Variants in INTS7 observed in about 807,000 individuals in gnomAD.
The protein encoded by INTS7 is integrator complex subunit 7.
A neutral mutation model predicts 109.2 loss-of-function variants in INTS7; 46 were observed. The ratio of observed to expected loss-of-function variants is 0.42; its 90% confidence interval spans 0.33 to 0.54. The LOEUF (loss-of-function observed/expected upper bound fraction) is 0.54, where lower values mean the gene tolerates loss of function less well. Ranked by LOEUF, INTS7 falls within the 20% of genes least tolerant of loss-of-function variation. The probability of loss-of-function intolerance (pLI) is 0.07; values close to 1 mark genes in which losing one functional copy is unlikely to be tolerated. For synonymous variants in INTS7, 412 were observed against 402.9 expected, an observed-to-expected ratio of 1.02 and a Z score of -0.27; for missense variants, 929 against 1,132.4, an observed-to-expected ratio of 0.82 and a Z score of 2.58.
At chr1:211,971,355 T>G (rs1459959506) in intron 13 of INTS7, among the ~76,000 whole-genome samples, 1 of 152,236 alleles carries the variant, frequency 6.6e-6, no homozygotes, top group South Asian at 2.1e-4. Flanking sequence ...CAGAGCAGTA[T>G]GTTGGTAACA....
At chr1:211,977,003 G>A (rs559768266) in intron 11 of INTS7, among the ~76,000 whole-genome samples, 9 of 152,094 alleles carry the variant, frequency 5.9e-5, no homozygotes, top group South Asian at 2.1e-4. Flanking sequence ...ATAAACTAGC[G>A]ACAGACTTAC....
intron 5 of INTS7, among the ~76,000 whole-genome samples, chr1:212,010,449 G>A (rs193146810): frequency 6.6e-6 from 1 of 152,238 alleles, no homozygotes; most frequent in Admixed American, 6.5e-5. Flanking sequence ...GATTCTAAAT[G>A]CAACTGGAAG....
rs992878023 is a variant in INTS7 at position 211,942,326 on chromosome 1, A to G, written c.2602-215T>C. Among the ~76,000 whole-genome samples the G allele has an allele frequency of 6.6e-6, 1 of 152,166 alleles. No homozygotes were observed. The highest frequency in any genetic ancestry group is 2.1e-4 in the South Asian group (1 of 4,826). ...ATTAGTGAACGGAGTAGGAATCTGAACACAGGCAGACTACCTCCAGGGCCT... is the reference window on the plus strand; with the variant it reads ...ATTAGTGAACGGAGTAGGAATCTGAGCACAGGCAGACTACCTCCAGGGCCT... On this transcript the variant is annotated intron_variant, in intron 19 of 19. Coordinates refer to ENST00000366994, the MANE Select transcript of INTS7 (RefSeq NM_015434.4). This position sits in a 1 kb window ranked among gnomAD's most constrained non-coding sequence, Gnocchi z 4.2.
chr1:211,951,352 G>A (rs866961539), intron 17 of INTS7, among the ~76,000 whole-genome samples: 9 of 151,900 alleles, frequency 5.9e-5, no homozygotes, highest in Non-Finnish European at 8.8e-5. Flanking sequence ...TCTGTTGCCC[G>A]GGCTGGAGTG....
rs1663495207 is a variant in INTS7 at position 211,959,101 on chromosome 1, A to G, written c.2184-6400T>C. 6.6e-6 allele frequency among the ~76,000 whole-genome samples: 1 copy of G among 152,186 alleles called. No homozygotes were observed. The highest frequency in any genetic ancestry group is 1.5e-5 in the Non-Finnish European group (1 of 68,020). On this transcript the variant is annotated intron_variant, in intron 16 of 19. Coordinates refer to ENST00000366994, the MANE Select transcript of INTS7 (RefSeq NM_015434.4). This position sits in a 1 kb window ranked among gnomAD's most constrained non-coding sequence, Gnocchi z 4.2. ...AGGAGATTCCTCGACCACTATGGAC[A>G]CTTGAGTTGGCACAGAGGGCTGCTT...
rs1316890106 is a variant in INTS7, at chr1:211,940,747, T to C, written c.*1077A>G. 1.3e-5 allele frequency: 2 copies of C among 152,136 alleles called. No homozygotes were observed. The highest frequency in any genetic ancestry group is 4.8e-5 in the African/African-American group (2 of 41,420). The allele number at this position is 152,136 out of a possible 1,614,324, so 9.4% of individuals were successfully genotyped here. ...GAGACTGCTCTCTCTAAACAATCAG[T>C]CTAGCATAACTCATCAAGTATAAAC... is the stretch of plus-strand genomic sequence containing the variant. On this transcript the variant is annotated 3_prime_UTR_variant, in exon 20 of 20. Coordinates refer to ENST00000366994, the MANE Select transcript of INTS7 (RefSeq NM_015434.4).
At chr1:211,970,013 T>C (rs1664101344) in intron 13 of INTS7, among the ~76,000 whole-genome samples, 1 of 152,130 alleles carries the variant, frequency 6.6e-6, no homozygotes, top group African/African-American at 2.4e-5. Flanking sequence ...CCACCGCGCC[T>C]GGCTGTGCCC....
chr1:212,029,435 A>T (rs1043408522), intron 1 of INTS7, among the ~76,000 whole-genome samples: 1 of 152,172 alleles, frequency 6.6e-6, no homozygotes, highest in Non-Finnish European at 1.5e-5. Flanking sequence ...CTGTGAGTGG[A>T]CACTTCAACT....
rs112412768 is a variant in INTS7, at chr1:211,967,074, G to A, written c.2115-576C>T. ...AATGCCAAGAACTACTGATTGGAAAGTCCTACAACTTAAAAAAAGAATTTC... is the reference window on the plus strand; with the variant it reads ...AATGCCAAGAACTACTGATTGGAAAATCCTACAACTTAAAAAAAGAATTTC... On this transcript the variant is annotated intron_variant, in intron 15 of 19. Transcript: ENST00000366994. 1.1e-4 allele frequency among the ~76,000 whole-genome samples: 16 copies of A among 152,260 alleles called. 1 individual carries two copies. The highest frequency in any genetic ancestry group is 3.9e-4 in the African/African-American group (16 of 41,558).
intron 7 of INTS7, among the ~76,000 whole-genome samples, chr1:212,003,475 T>C (rs533783726): frequency 8.6e-5 from 13 of 151,574 alleles, no homozygotes; most frequent in Non-Finnish European, 1.8e-4. Context: ...AAGCAAATAT[T>C]GAGAGGGTTT....
intron 8 of INTS7, among the ~76,000 whole-genome samples, chr1:211,985,341 G>A (rs1266358760): frequency 1.3e-5 from 2 of 152,068 alleles, no homozygotes; most frequent in Admixed American, 6.6e-5. Context: ...ATTTAAGTTT[G>A]CTTTTTAAAC....
At chr1:211,972,194 AT>A (rs559984376) in intron 13 of INTS7, among the ~76,000 whole-genome samples, 144 of 152,112 alleles carry the variant, frequency 9.5e-4, no homozygotes, top group Non-Finnish European at 1.9e-3. Flanking sequence ...TATTTGTTGT[AT>A]TTTTTTATGC....
chr1:211,950,179 C>G (rs1279367944), intron 17 of INTS7, among the ~76,000 whole-genome samples: 1 of 152,216 alleles, frequency 6.6e-6, no homozygotes, highest in Non-Finnish European at 1.5e-5. Context: ...CCTAGGATCC[C>G]ATAAATACTT....
At chr1:211,998,654 C>T (rs1452084348) in intron 7 of INTS7, among the ~76,000 whole-genome samples, 2 of 151,832 alleles carry the variant, frequency 1.3e-5, no homozygotes, top group African/African-American at 2.4e-5. Context: ...TAAAATACAA[C>T]CTATAAAAGA....
At chr1:211,960,819 C>T (rs1663590900) in intron 16 of INTS7, among the ~76,000 whole-genome samples, 1 of 151,960 alleles carries the variant, frequency 6.6e-6, no homozygotes, top group African/African-American at 2.4e-5. Flanking sequence ...TTGAGACAAG[C>T]CTGGCCAACA....
chr1:212,027,206 T>C (rs1179048999), intron 1 of INTS7, among the ~76,000 whole-genome samples: 1 of 152,204 alleles, frequency 6.6e-6, no homozygotes, highest in Non-Finnish European at 1.5e-5. Flanking sequence ...AAAGGCCTAT[T>C]ACTTAGCAAC....
intron 7 of INTS7, among the ~76,000 whole-genome samples, chr1:211,997,022 T>C (rs947662945): frequency 6.7e-6 from 1 of 149,740 alleles, no homozygotes; most frequent in Non-Finnish European, 1.5e-5. Context: ...AGACCCTGTC[T>C]CAAAAAATAA....
intron 8 of INTS7, among the ~76,000 whole-genome samples, chr1:211,985,825 T>C (rs763306019): frequency 3.9e-5 from 6 of 152,208 alleles, no homozygotes; most frequent in Non-Finnish European, 7.3e-5. Flanking sequence ...ATCTATTATA[T>C]GATTAAGACT....
intron 5 of INTS7, among the ~76,000 whole-genome samples, chr1:212,007,772 T>C (rs1665996092): frequency 6.6e-6 from 1 of 152,302 alleles, no homozygotes; most frequent in South Asian, 2.1e-4. Context: ...CATACACATA[T>C]ACATATATAT....
Sources: gnomAD v4.1 joint callset for allele counts (sites outside exome capture counted in the v4.1 genomes callset) on GRCh38, gnomAD v4.1.1 for gene constraint, Gnocchi (gnomAD v3.1) non-coding constraint, MANE v1.5 for transcripts, NCBI Gene and HGNC (gene_info 2026-07-23, HGNC 2026-07-21) for gene names.